ATP11A: variants seen among roughly 807,000 people sequenced by gnomAD.
The protein encoded by ATP11A is phospholipid-transporting ATPase IH.
ATP11A carries 81 observed loss-of-function variants against 154.4 expected under a neutral mutation model. The observed-to-expected ratio is 0.52, with a 90% CI of 0.44 to 0.63. The LOEUF is 0.63. Among genes scored for constraint, ATP11A ranks in the 30% least tolerant of loss-of-function variants. The probability of loss-of-function intolerance (pLI) is 0.00; values close to 1 mark genes in which losing one functional copy is unlikely to be tolerated. For synonymous variants in ATP11A, 623 were observed against 585.9 expected, an observed-to-expected ratio of 1.06 and a Z score of -0.91; for missense variants, 1,316 against 1,474.3, an observed-to-expected ratio of 0.89 and a Z score of 1.76.
At chr13:112,723,029 A>G (rs938592276) in intron 1 of ATP11A, among the ~76,000 whole-genome samples, 3 of 152,092 alleles carry the variant, frequency 2.0e-5, no homozygotes, top group Non-Finnish European at 4.4e-5. Flanking sequence ...ACAGAAAGGA[A>G]TGTTTAAGAT....
chr13:112,739,697 T>C (rs550893498), intron 1 of ATP11A, among the ~76,000 whole-genome samples: 2 of 152,262 alleles, frequency 1.3e-5, no homozygotes, highest in Non-Finnish European at 2.9e-5. Context: ...GGCAGCATTA[T>C]TCATCATAGC....
intron 25 of ATP11A, among the ~76,000 whole-genome samples, chr13:112,868,030 A>G (rs1035748602): frequency 1.4e-4 from 22 of 152,264 alleles, no homozygotes; most frequent in African/African-American, 5.1e-4. Context: ...ATCTCTTTCA[A>G]AAGTTCACCA....
intron 1 of ATP11A, among the ~76,000 whole-genome samples, chr13:112,725,779 A>C (rs1889788875): frequency 6.6e-6 from 1 of 152,220 alleles, no homozygotes; most frequent in African/African-American, 2.4e-5. Context: ...AACGTCCCTG[A>C]GGGTGGCCTG....
chr13:112,707,365 A>G (rs1259861815), intron 1 of ATP11A, among the ~76,000 whole-genome samples: 1 of 151,622 alleles, frequency 6.6e-6, no homozygotes, highest in Non-Finnish European at 1.5e-5. Context: ...CAGTGAGCTA[A>G]GATCACACCA....
At chr13:112,714,928 A>G (rs1262390359) in intron 1 of ATP11A, among the ~76,000 whole-genome samples, 1 of 152,008 alleles carries the variant, frequency 6.6e-6, no homozygotes, top group Non-Finnish European at 1.5e-5. Flanking sequence ...TCCCGCTTAA[A>G]TTCTCTCCTC....
chr13:112,718,133 A>T (rs115563482), intron 1 of ATP11A, among the ~76,000 whole-genome samples: 3 of 152,122 alleles, frequency 2.0e-5, no homozygotes, highest in African/African-American at 7.2e-5. Flanking sequence ...CACCCCGCCA[A>T]GGCGTGAACA....
At position 112,690,401 on chromosome 13, in the gene ATP11A, A is replaced by G; in HGVS notation, c.-16A>G. The stretch of plus-strand genomic sequence containing the variant: ...CGGGGGCGCTGAACGGCGGAGCGGG[A>G]GCGGCCGGAGGAGCCATGGACTGCA... On this transcript the variant is annotated 5_prime_UTR_variant, in exon 1 of 30. Transcript: ENST00000375645. This position sits in a 1 kb window ranked among gnomAD's most constrained non-coding sequence, Gnocchi z 5.6. 1 of 1,295,054 alleles carries G rather than the reference A, an allele frequency of 7.7e-7. No homozygotes were observed. The allele number at this position is 1,295,054 out of a possible 1,614,324, so 80.2% of individuals were successfully genotyped here.
intron 8 of ATP11A, among the ~76,000 whole-genome samples, chr13:112,822,920 C>T (rs1162272134): frequency 2.0e-5 from 3 of 152,134 alleles, no homozygotes; most frequent in Non-Finnish European, 4.4e-5. Flanking sequence ...GGTTCTGACT[C>T]GGTAGGCCTG....
At chr13:112,792,008 A>T (rs1033826123) in intron 2 of ATP11A, among the ~76,000 whole-genome samples, 1 of 152,150 alleles carries the variant, frequency 6.6e-6, no homozygotes, top group South Asian at 2.1e-4. Context: ...GCCGCCTTTC[A>T]TCTCAACCTC....
rs80314754 is a variant in ATP11A, at chr13:112,866,971, C to T, written c.2991+4396C>T. On this transcript the variant is annotated intron_variant, in intron 25 of 29. Coordinates refer to ENST00000375645, the MANE Select transcript of ATP11A (RefSeq NM_015205.3). ...TTCCTGAATGCCACCAGGCCATGAA[C>T]GTCATCAAACAGAGCTACCTGTTGA... 1.7e-4 allele frequency among the ~76,000 whole-genome samples: 26 copies of T among 152,286 alleles called. No homozygotes were observed. In the East Asian group the frequency reaches 2.7e-3, roughly 16 times the overall value.
chr13:112,798,816 A>G (rs1272141867), intron 2 of ATP11A, among the ~76,000 whole-genome samples: 1 of 152,264 alleles, frequency 6.6e-6, no homozygotes, highest in African/African-American at 2.4e-5. Flanking sequence ...GTAAATATTA[A>G]TCCAGCTATA....
chr13:112,713,974 G>GCCATGCCTCC (rs1888092836), intron 1 of ATP11A, among the ~76,000 whole-genome samples: 5 of 48,622 alleles, frequency 1.0e-4, no homozygotes, highest in South Asian at 7.0e-4. Context: ...TTCCCACCCA[G>GCCATGCCTCC]CTTCCATTCC....
intron 5 of ATP11A, 75 bp from the exon 6 acceptor site, chr13:112,816,008 G>A (rs565704443): frequency 3.1e-6 from 5 of 1,591,600 alleles, no homozygotes; most frequent in Non-Finnish European, 4.3e-6. Flanking sequence ...CAGCTTGAGG[G>A]AAGCGGTCCC....
At chr13:112,722,102 G>A (rs1197495397) in intron 1 of ATP11A, among the ~76,000 whole-genome samples, 1 of 152,184 alleles carries the variant, frequency 6.6e-6, no homozygotes, top group Non-Finnish European at 1.5e-5. Flanking sequence ...TTTATTCTGA[G>A]CCAAATATGA....
intron 1 of ATP11A, among the ~76,000 whole-genome samples, chr13:112,725,864 TGA>T (rs1889802298): frequency 6.6e-6 from 1 of 152,162 alleles, no homozygotes; most frequent in South Asian, 2.1e-4. Flanking sequence ...TGAAGGAGGC[TGA>T]GAGAGACTCA....
At chr13:112,863,528 G>T (rs1181984698) in intron 25 of ATP11A, among the ~76,000 whole-genome samples, 1 of 150,146 alleles carries the variant, frequency 6.7e-6, no homozygotes, top group African/African-American at 2.5e-5. Context: ...CAATAATTCA[G>T]CATAGCACGT....
In ATP11A at chr13:112,884,916, G is replaced by T. The variant is rs1011610482; in HGVS notation, c.*3050G>T. On this transcript the variant is annotated 3_prime_UTR_variant, in exon 30 of 30. Coordinates refer to ENST00000375645, the MANE Select transcript of ATP11A (RefSeq NM_015205.3). The stretch of plus-strand genomic sequence containing the variant: ...CACGCACAGTGGGCCTGCTGCATGC[G>T]TGTTACCTGGCTTTTGGCTCCACGC... 6.6e-6 allele frequency: 1 copy of T among 152,416 alleles called. No homozygotes were observed. Among genetic ancestry groups the T allele is most frequent in the Admixed American group, 6.5e-5 (1 of 15,272 alleles). The allele number at this position is 152,416 out of a possible 1,614,324, so 9.4% of individuals were successfully genotyped here.
At chr13:112,693,785 C>T (rs1263832849) in intron 1 of ATP11A, among the ~76,000 whole-genome samples, 1 of 152,068 alleles carries the variant, frequency 6.6e-6, no homozygotes, top group African/African-American at 2.4e-5. Flanking sequence ...AACCCTGTCT[C>T]TACTAAAAAT....
Position 112,886,050 on chromosome 13 carries a change from C to A in ATP11A, c.*4184C>A, listed in dbSNP as rs1369514360. 1 of 152,364 alleles carries A rather than the reference C, an allele frequency of 6.6e-6. No homozygotes were observed. Among genetic ancestry groups the A allele is most frequent in the African/African-American group, 2.4e-5 (1 of 41,484 alleles). 9.4% of individuals were successfully genotyped at this position (152,364 alleles called of 1,614,324 possible). ...TGGCCACACCCACGCCGCACCTCAT[C>A]CGTGCACGCGTCGGAGCACGGCCAG... On this transcript the variant is annotated 3_prime_UTR_variant, in exon 30 of 30. Coordinates refer to ENST00000375645, the MANE Select transcript of ATP11A (RefSeq NM_015205.3).
Sources: gnomAD v4.1 joint callset for allele counts (sites outside exome capture counted in the v4.1 genomes callset) on GRCh38, gnomAD v4.1.1 for gene constraint, Gnocchi (gnomAD v3.1) non-coding constraint, MANE v1.5 for transcripts, NCBI Gene and HGNC (gene_info 2026-07-23, HGNC 2026-07-21) for gene names.